KCNMA1: variants seen among roughly 807,000 people sequenced by gnomAD.
The protein encoded by KCNMA1 is potassium calcium-activated channel subfamily M alpha 1, also known as Calcium-activated potassium channel subunit alpha-1.
KCNMA1 carries 29 observed loss-of-function variants against 140.0 expected under a neutral mutation model. That is an observed-to-expected ratio of 0.21 (90% CI 0.15 to 0.28). The LOEUF (loss-of-function observed/expected upper bound fraction) is 0.28. Ranked by LOEUF, KCNMA1 falls within the 10% of genes least tolerant of loss-of-function variation. The probability of loss-of-function intolerance (pLI) is 1.00; values close to 1 mark genes in which losing one functional copy is unlikely to be tolerated. For synonymous variants in KCNMA1, 612 were observed against 611.9 expected, an observed-to-expected ratio of 1.00 and a Z score of 0.00; for missense variants, 880 against 1,602.2, an observed-to-expected ratio of 0.55 and a Z score of 7.70.
chr10:77,028,736 C>G (rs991989865), intron 15 of KCNMA1, among the ~76,000 whole-genome samples: 5 of 152,224 alleles, frequency 3.3e-5, no homozygotes, highest in Admixed American at 3.3e-4. Context: ...TCTCCTTAAC[C>G]AGAGCAACTT....
At chr10:77,446,199 G>C (rs1012323602) in intron 1 of KCNMA1, among the ~76,000 whole-genome samples, 40 of 152,330 alleles carry the variant, frequency 2.6e-4, no homozygotes, top group African/African-American at 9.1e-4. Flanking sequence ...CCAGGGCCTA[G>C]CTAAGGAGGC....
intron 5 of KCNMA1, among the ~76,000 whole-genome samples, chr10:77,138,433 A>AT (rs1293569444): frequency 2.6e-5 from 4 of 152,038 alleles, no homozygotes; most frequent in Non-Finnish European, 4.4e-5. Flanking sequence ...CTGACTTTAC[A>AT]TCTTAAATAT....
intron 2 of KCNMA1, among the ~76,000 whole-genome samples, chr10:77,327,673 G>A (rs1218325451): frequency 6.6e-6 from 1 of 152,154 alleles, no homozygotes; most frequent in East Asian, 1.9e-4. Flanking sequence ...ATCTTATCAA[G>A]TATCAACCAC....
intron 2 of KCNMA1, among the ~76,000 whole-genome samples, chr10:77,366,559 G>C (rs1456333790): frequency 6.6e-6 from 1 of 152,182 alleles, no homozygotes; most frequent in Non-Finnish European, 1.5e-5. Context: ...TTAAGAGATT[G>C]AGATGATGAT....
At chr10:77,504,334 C>A (rs549997560) in intron 1 of KCNMA1, among the ~76,000 whole-genome samples, 26 of 152,232 alleles carry the variant, frequency 1.7e-4, no homozygotes, top group African/African-American at 6.3e-4. Context: ...TGTTTCACTG[C>A]TCTTCAAGTG....
intron 5 of KCNMA1, among the ~76,000 whole-genome samples, chr10:77,152,795 G>A (rs2098439245): frequency 6.6e-6 from 1 of 152,206 alleles, no homozygotes; most frequent in Non-Finnish European, 1.5e-5. Flanking sequence ...AGCGGGTCTG[G>A]GTTGCGGTGA....
intron 3 of KCNMA1, among the ~76,000 whole-genome samples, chr10:77,193,975 A>G (rs530124761): frequency 6.6e-6 from 1 of 152,034 alleles, no homozygotes; most frequent in East Asian, 1.9e-4. Context: ...TTTTTTCTGG[A>G]TATTAAAATT....
chr10:77,185,017 A>G (rs2098837123), intron 3 of KCNMA1, 101 bp from the exon 4 acceptor site: 2 of 787,996 alleles, frequency 2.5e-6, no homozygotes, highest in South Asian at 1.4e-5. Flanking sequence ...TAGACGATGA[A>G]ATGAATATTC....
intron 1 of KCNMA1, among the ~76,000 whole-genome samples, chr10:77,514,572 C>T (rs1234906625): frequency 5.3e-5 from 8 of 152,180 alleles, no homozygotes; most frequent in Non-Finnish European, 1.2e-4. Flanking sequence ...CTGAAAATGG[C>T]CACATGTGAC....
chr10:76,891,678 C>T lies in KCNMA1; in HGVS notation c.3189G>A (p.Leu1063=). ...GCTCCGGCGTGGCTCCTCCGGTCAC[C>T]AGGGTCCGTATCAGGGTGAGGATAT... The part of the protein sequence containing the change: ...NDNILTLIRT[L]VTGGATPELE... Residue 1063 remains leucine, a synonymous_variant, in exon 26 of 28, where the codon CTG becomes CTA. Coordinates refer to ENST00000286628, the MANE Select transcript of KCNMA1 (RefSeq NM_001161352.2). The T allele has an allele frequency of 7.4e-6, 12 of 1,614,082 alleles. No individual in the cohort carries two copies. Among genetic ancestry groups the T allele is most frequent in the Non-Finnish European group, 1.0e-5 (12 of 1,180,022 alleles).
At chr10:77,485,841 A>T (rs1405480680) in intron 1 of KCNMA1, among the ~76,000 whole-genome samples, 2 of 152,108 alleles carry the variant, frequency 1.3e-5, no homozygotes, top group Non-Finnish European at 2.9e-5. Context: ...TGCTTGTCAA[A>T]TGAGATATAG....
intron 20 of KCNMA1, among the ~76,000 whole-genome samples, chr10:76,965,837 A>G (rs79284940): frequency 0.011 from 1,703 of 152,286 alleles, 14 homozygotes; most frequent in Non-Finnish European, 0.016. Context: ...CTAGACAAGT[A>G]ATATTATTAG....
chr10:77,063,397 A>G (rs2095829468), intron 14 of KCNMA1, among the ~76,000 whole-genome samples: 1 of 151,950 alleles, frequency 6.6e-6, no homozygotes, highest in Non-Finnish European at 1.5e-5. Flanking sequence ...GTGAGCCGAG[A>G]CTGCACCACC....
intron 23 of KCNMA1, among the ~76,000 whole-genome samples, chr10:76,927,888 T>G (rs2058169656): frequency 6.6e-6 from 1 of 152,224 alleles, no homozygotes; most frequent in Non-Finnish European, 1.5e-5. Flanking sequence ...AGAAAGCCTT[T>G]ATATTTCACT....
intron 2 of KCNMA1, among the ~76,000 whole-genome samples, chr10:77,367,582 A>G (rs1218011040): frequency 2.6e-5 from 4 of 152,198 alleles, no homozygotes; most frequent in Admixed American, 2.6e-4. Context: ...AGTAAATTTA[A>G]TTTTTTATTT....
At chr10:77,494,207 T>C (rs78061000) in intron 1 of KCNMA1, among the ~76,000 whole-genome samples, 1,971 of 152,304 alleles carry the variant, frequency 0.013, 51 homozygotes, top group African/African-American at 0.045. Context: ...GCCTTTGACT[T>C]TGAAAAGTGA....
At chr10:77,031,023 C>G (rs1156882318) in intron 15 of KCNMA1, among the ~76,000 whole-genome samples, 1 of 152,166 alleles carries the variant, frequency 6.6e-6, no homozygotes, top group Non-Finnish European at 1.5e-5. Context: ...TCTTGCCCTT[C>G]CTATGCAGAT....
intron 2 of KCNMA1, among the ~76,000 whole-genome samples, chr10:77,382,756 T>A (rs1017421709): frequency 1.4e-5 from 2 of 146,706 alleles, no homozygotes; most frequent in Non-Finnish European, 3.0e-5. Context: ...TCCCAGCTAC[T>A]CAGGAGCCTG....
chr10:77,314,309 C>T (rs2080167842), intron 2 of KCNMA1, among the ~76,000 whole-genome samples: 1 of 152,162 alleles, frequency 6.6e-6, no homozygotes, highest in Non-Finnish European at 1.5e-5. Flanking sequence ...AAATGAATTT[C>T]ATCCAGAAGC....
Sources: gnomAD v4.1 joint callset for allele counts (sites outside exome capture counted in the v4.1 genomes callset) on GRCh38, gnomAD v4.1.1 for gene constraint, MANE v1.5 for transcripts, NCBI Gene and HGNC (gene_info 2026-07-23, HGNC 2026-07-21) for gene names.